Variants in FBXL17 observed in about 807,000 individuals in gnomAD.
FBXL17 encodes F-box/LRR-repeat protein 17.
In FBXL17, 22 loss-of-function variants were observed where a neutral mutation model predicts 66.2. That is an observed-to-expected ratio of 0.33 (90% CI 0.24 to 0.47). FBXL17 has a LOEUF of 0.47. Among genes scored for constraint, FBXL17 ranks in the 20% least tolerant of loss-of-function variants. The pLI is 1.00. For synonymous variants in FBXL17, 474 were observed against 400.5 expected (o/e 1.18, Z -2.19); for missense variants, 878 against 948.2 (o/e 0.93, Z 0.97).
At chr5:107,898,550 C>T (rs916629882) in intron 7 of FBXL17, among the ~76,000 whole-genome samples, 2 of 151,940 alleles carry the variant, frequency 1.3e-5, no homozygotes, top group Admixed American at 6.6e-5. Context: ...TATACATGTG[C>T]CATGGTGGTT....
intron 6 of FBXL17, among the ~76,000 whole-genome samples, chr5:108,152,246 A>G (rs551486259): frequency 1.3e-5 from 2 of 152,332 alleles, no homozygotes; most frequent in African/African-American, 2.4e-5. Context: ...TGATGGACAA[A>G]ATATCAACAT....
At chr5:107,874,299 C>G (rs1281736330) in intron 8 of FBXL17, among the ~76,000 whole-genome samples, 1 of 152,052 alleles carries the variant, frequency 6.6e-6, no homozygotes, top group Non-Finnish European at 1.5e-5. Context: ...ACCTGTTGGA[C>G]AGGTGATTAA....
chr5:108,031,550 A>G (rs1268079959), intron 6 of FBXL17, among the ~76,000 whole-genome samples: 1 of 152,138 alleles, frequency 6.6e-6, no homozygotes, highest in East Asian at 1.9e-4. Flanking sequence ...GATATGCTTG[A>G]GGCATTTCTG....
intron 6 of FBXL17, among the ~76,000 whole-genome samples, chr5:108,133,375 T>A (rs750351565): frequency 6.6e-6 from 1 of 152,178 alleles, no homozygotes; most frequent in Non-Finnish European, 1.5e-5. Flanking sequence ...ATATTCATAG[T>A]TTATGCATTT....
At chr5:108,328,925 T>G (rs1390486498) in intron 4 of FBXL17, among the ~76,000 whole-genome samples, 2 of 152,112 alleles carry the variant, frequency 1.3e-5, no homozygotes, top group Non-Finnish European at 2.9e-5. Context: ...ATGTTATTCT[T>G]ATGCCATAAA....
intron 6 of FBXL17, among the ~76,000 whole-genome samples, chr5:108,084,196 G>T (rs116412898): frequency 0.033 from 5,086 of 152,196 alleles, 114 homozygotes; most frequent in Non-Finnish European, 0.049. Flanking sequence ...TATACGTGCC[G>T]CAAGCAATGA....
chr5:108,103,395 C>G (rs1304087005), intron 6 of FBXL17, among the ~76,000 whole-genome samples: 1 of 152,196 alleles, frequency 6.6e-6, no homozygotes, highest in Non-Finnish European at 1.5e-5. Context: ...TTCACAAAGT[C>G]AGACCATTGC....
rs778332705 is a variant in FBXL17 at position 108,364,908 on chromosome 5, T to C, written c.1204A>G (p.Asn402Asp). 6.2e-7 allele frequency: 1 copy of C among 1,612,856 alleles called. No homozygotes were observed. Among genetic ancestry groups the C allele is most frequent in the Non-Finnish European group, 8.5e-7 (1 of 1,179,094 alleles). The change falls in exon 3 of 9, where the codon AAT becomes GAT. Residue 402 changes from asparagine (N) to aspartate (D), a missense_variant. Coordinates refer to ENST00000542267, the MANE Select transcript of FBXL17 (RefSeq NM_001163315.3). ...TTAAATGCTAAAACACATACGCCATTATCAGACATACTGCGACAATCAGAA... is the reference window on the plus strand; with the variant it reads ...TTAAATGCTAAAACACATACGCCATCATCAGACATACTGCGACAATCAGAA... ...NISDCRSMSD[N>D]GVCVLAFKCP...
chr5:108,305,225 T>C (rs1758779958), intron 4 of FBXL17, among the ~76,000 whole-genome samples: 2 of 152,200 alleles, frequency 1.3e-5, no homozygotes, highest in Middle Eastern at 6.8e-3. Flanking sequence ...TCAGGTTTGC[T>C]ACCACATGTT....
intron 6 of FBXL17, among the ~76,000 whole-genome samples, chr5:108,106,279 A>C (rs158184): frequency 0.68 from 103,358 of 152,078 alleles, 35,592 homozygotes; most frequent in East Asian, 0.92. Context: ...GTTGGCAAGA[A>C]TGTGTAGAAA....
At chr5:108,369,934 C>T (rs1748916957) in intron 1 of FBXL17, among the ~76,000 whole-genome samples, 1 of 152,132 alleles carries the variant, frequency 6.6e-6, no homozygotes, top group African/African-American at 2.4e-5. Context: ...TAATTATTTA[C>T]CCAGTTATTC....
chr5:108,368,225 T>A (rs1458634742), intron 1 of FBXL17, among the ~76,000 whole-genome samples: 1 of 151,602 alleles, frequency 6.6e-6, no homozygotes, highest in Non-Finnish European at 1.5e-5. Context: ...TGTGTTTGCT[T>A]ATATTTAAAA....
intron 4 of FBXL17, chr5:108,298,203 T>A (rs528539255): frequency 2.0e-6 from 2 of 980,788 alleles, no homozygotes; most frequent in African/African-American, 3.5e-5. Context: ...CCATATGATA[T>A]ACAATGCCCC....
At chr5:108,299,336 T>C (rs1401907221) in intron 4 of FBXL17, 1 of 984,760 alleles carries the variant, frequency 1.0e-6, no homozygotes, top group Non-Finnish European at 1.2e-6. Context: ...CAAGATACCA[T>C]TAAAGTATAT....
At chr5:108,073,804 G>A (rs1176898805) in intron 6 of FBXL17, among the ~76,000 whole-genome samples, 1 of 152,092 alleles carries the variant, frequency 6.6e-6, no homozygotes, top group Non-Finnish European at 1.5e-5. Context: ...CTCTCACCAT[G>A]TGATAAACTG....
At chr5:107,937,562 C>T (rs1007487603) in intron 7 of FBXL17, among the ~76,000 whole-genome samples, 2 of 152,080 alleles carry the variant, frequency 1.3e-5, no homozygotes, top group Non-Finnish European at 2.9e-5. Context: ...CTCTGACCTC[C>T]GATAGCAATT....
intron 7 of FBXL17, among the ~76,000 whole-genome samples, chr5:107,955,287 T>C (rs1751625192): frequency 6.6e-6 from 1 of 152,020 alleles, no homozygotes; most frequent in African/African-American, 2.4e-5. Flanking sequence ...TAAATAGCTC[T>C]TAGTCTTAAC....
chr5:108,279,275 AGTGTTC>A (rs1366923495), intron 4 of FBXL17, among the ~76,000 whole-genome samples: 1 of 152,120 alleles, frequency 6.6e-6, no homozygotes, highest in Non-Finnish European at 1.5e-5. Context: ...CACAGTTGCC[AGTGTTC>A]AAAGCCCTGG....
At chr5:108,184,127 G>C (rs1045311395) in intron 6 of FBXL17, among the ~76,000 whole-genome samples, 2 of 152,082 alleles carry the variant, frequency 1.3e-5, no homozygotes, top group African/African-American at 4.8e-5. Context: ...AATTTAAAAA[G>C]GGGAGGCCAG....
Sources: allele counts gnomAD v4.1 joint callset (sites outside exome capture counted in the v4.1 genomes callset), GRCh38; gene constraint gnomAD v4.1.1; transcripts MANE v1.5; gene names NCBI Gene and HGNC (gene_info 2026-07-23, HGNC 2026-07-21).